Variants in PSME4 observed in about 807,000 individuals in gnomAD.
The protein encoded by PSME4 is proteasome activator subunit 4.
Under a neutral mutation model 253.9 loss-of-function variants are expected in PSME4, and 89 were observed. The ratio of observed to expected loss-of-function variants is 0.35; its 90% CI spans 0.30 to 0.42. The LOEUF (loss-of-function observed/expected upper bound fraction) is 0.42, where lower values mean the gene tolerates loss of function less well. Ranked by LOEUF, PSME4 falls within the 10% of genes least tolerant of loss-of-function variation. PSME4 has a pLI of 1.00. For synonymous variants in PSME4, 851 were observed against 759.2 expected (o/e 1.12, Z -1.99); for missense variants, 2,014 against 2,195.2 (o/e 0.92, Z 1.65).
chr2:53,915,726 A>G (rs892469280), intron 20 of PSME4, among the ~76,000 whole-genome samples: 2 of 152,182 alleles, frequency 1.3e-5, no homozygotes, highest in Admixed American at 6.5e-5. Flanking sequence ...AAAAAATTAC[A>G]GCAGCTAGAA....
chr2:53,895,009 C>T lies in PSME4; in HGVS notation c.3910G>A (p.Glu1304Lys), dbSNP rs1680079143. ...KLGRSREDMT[E>K]AEQIIFDHFS... Reference sequence around the variant, plus strand: ...CCATGGTGAAATGGAATGCTTACCTCTGTCATATCCTCCCTGCTTCTGCCA... The same window carrying T: ...CCATGGTGAAATGGAATGCTTACCTTTGTCATATCCTCCCTGCTTCTGCCA... Residue 1304 changes from glutamate (E) to lysine (K), a missense_variant and splice_region_variant, in exon 34 of 47, where the codon GAG becomes AAG. Around this residue, in one of 4 missense-constraint regions of PSME4, gnomAD observed 989 missense variants for 1,021.1 expected, o/e 0.97. Transcript: ENST00000404125. 2 of 1,611,778 alleles carry T rather than the reference C, an allele frequency of 1.2e-6. No homozygotes were observed. The highest frequency in any genetic ancestry group is 2.7e-5 in the African/African-American group (2 of 74,786).
chr2:53,952,889 T>C lies in PSME4; in HGVS notation c.243-3606A>G, dbSNP rs576614158. Among the ~76,000 whole-genome samples the C allele has an allele frequency of 3.9e-4, 59 of 152,306 alleles. 1 individual carries two copies. In the South Asian group the frequency reaches 0.012, roughly 30 times the overall value. ...CCCATACCAGTCCCTGAGCTGGGGG[T>C]TGGGGGACCCCCTGCTCCAAGCCAC... On this transcript the variant is annotated intron_variant, in intron 1 of 46. Coordinates refer to ENST00000404125, the MANE Select transcript of PSME4 (RefSeq NM_014614.3).
At chr2:53,953,758 T>C (rs557838636) in intron 1 of PSME4, among the ~76,000 whole-genome samples, 29 of 152,256 alleles carry the variant, frequency 1.9e-4, no homozygotes, top group African/African-American at 5.5e-4. Flanking sequence ...GCATTCCCTC[T>C]TTCCAGTTAA....
At chr2:53,907,767 C>T (rs1680724889) in intron 24 of PSME4, among the ~76,000 whole-genome samples, 1 of 152,144 alleles carries the variant, frequency 6.6e-6, no homozygotes, top group Non-Finnish European at 1.5e-5. Context: ...CTTTTACATG[C>T]CATTCCTTCT....
chr2:53,931,248 G>A (rs1370248602), intron 10 of PSME4, among the ~76,000 whole-genome samples: 1 of 151,992 alleles, frequency 6.6e-6, no homozygotes, highest in Non-Finnish European at 1.5e-5. Flanking sequence ...CCAGCCTGGG[G>A]GACTACAGCA....
chr2:53,885,827 C>T (rs536532010), intron 40 of PSME4, 52 bp from the exon 41 acceptor site: 2 of 1,306,554 alleles, frequency 1.5e-6, no homozygotes, highest in South Asian at 1.2e-5. Flanking sequence ...ATTTACAGAC[C>T]ACAAAGTAGA....
At chr2:53,887,665 T>C (rs1679702877) in intron 39 of PSME4, among the ~76,000 whole-genome samples, 193 bp downstream of exon 39, 1 of 152,196 alleles carries the variant, frequency 6.6e-6, no homozygotes, top group African/African-American at 2.4e-5. Flanking sequence ...ATCTCTGGCT[T>C]CTGAGCACAC....
chr2:53,886,202 G>A (rs1277523798), intron 40 of PSME4, among the ~76,000 whole-genome samples: 2 of 152,180 alleles, frequency 1.3e-5, no homozygotes, highest in Admixed American at 1.3e-4. Flanking sequence ...GAGCTCAGGA[G>A]TTCAAGACCA....
chr2:53,901,185 T>G (rs1280888635), intron 28 of PSME4, among the ~76,000 whole-genome samples, 165 bp downstream of exon 28: 1 of 151,922 alleles, frequency 6.6e-6, no homozygotes, highest in African/African-American at 2.4e-5. Context: ...ACAATAATGA[T>G]CAATGAAAGT....
At chr2:53,931,767 A>ATT in intron 10 of PSME4, 68 bp downstream of exon 10, 3 of 1,511,350 alleles carry the variant, frequency 2.0e-6, no homozygotes, top group Non-Finnish European at 2.7e-6. Context: ...CAGAGGAGAA[A>ATT]AGAGAATCGA....
chr2:53,907,994 G>A (rs1667648113), intron 24 of PSME4: 5 of 253,346 alleles, frequency 2.0e-5, no homozygotes, highest in Admixed American at 1.0e-4. Flanking sequence ...AAAGTGTAAT[G>A]CTTTAAATTC....
intron 37 of PSME4, among the ~76,000 whole-genome samples, 167 bp from the exon 38 acceptor site, chr2:53,888,979 C>A (rs965766884): frequency 6.6e-6 from 1 of 152,052 alleles, no homozygotes; most frequent in African/African-American, 2.4e-5. Flanking sequence ...AATCCACCCG[C>A]CTCGGTCTCT....
rs748795828 is a variant in PSME4 at position 53,893,810 on chromosome 2, A to G, written c.3913-11T>C. 2 of 1,577,864 alleles carry G rather than the reference A, an allele frequency of 1.3e-6. No individual in the cohort carries two copies. The highest frequency in any genetic ancestry group is 2.7e-5 in the African/African-American group (2 of 72,868). On this transcript the variant is annotated splice_polypyrimidine_tract_variant and intron_variant, in intron 34 of 46. Coordinates refer to ENST00000404125, the MANE Select transcript of PSME4 (RefSeq NM_014614.3). ...TATAATCTGTTCTGCCTATAAAGTT[A>G]AAAAAAGAACAATATTCAGCGTTTA...
At chr2:53,948,363 C>G in intron 3 of PSME4, 58 bp downstream of exon 3, 2 of 990,452 alleles carry the variant, frequency 2.0e-6, no homozygotes, top group Admixed American at 1.9e-5. Flanking sequence ...CAATCATGAT[C>G]ACCCCCCTAA....
Position 53,970,936 on chromosome 2 carries a change from G to A in PSME4, c.-152C>T, listed in dbSNP as rs1573405037. 1.7e-6 allele frequency: 1 copy of A among 603,972 alleles called. No homozygotes were observed. Among genetic ancestry groups the A allele is most frequent in the Non-Finnish European group, 2.6e-6 (1 of 381,896 alleles). The allele number at this position is 603,972 out of a possible 1,614,324, so 37.4% of individuals were successfully genotyped here. ...GATCGCTAGGCCCCCTTCCCTGGCC[G>A]GCGTGCTGCTGGGCCCCACGCGGCT... is the stretch of plus-strand genomic sequence containing the variant. On this transcript the variant is annotated 5_prime_UTR_variant, in exon 1 of 47. Transcript: ENST00000404125.
At chr2:53,909,318 T>A (rs1667715063) in intron 21 of PSME4, among the ~76,000 whole-genome samples, 1 of 152,172 alleles carries the variant, frequency 6.6e-6, no homozygotes, top group Non-Finnish European at 1.5e-5. Context: ...AAATTTCTAT[T>A]AGATTTAGAA....
rs1432461267 is a variant in PSME4, at chr2:53,919,203, T to A, written c.2464A>T (p.Ile822Phe). The change falls in exon 20 of 47, where the codon ATT becomes TTT. Residue 822 changes from isoleucine (I) to phenylalanine (F), a missense_variant. Ile to Phe is a conservative substitution (Grantham distance 21). Coordinates refer to ENST00000404125, the MANE Select transcript of PSME4 (RefSeq NM_014614.3). ...GGAGGTAGGAGGTTTCCAGAGCCAATTAAACAGTTGTGCACTATAGTCAGA... is the reference window on the plus strand; with the variant it reads ...GGAGGTAGGAGGTTTCCAGAGCCAAATAAACAGTTGTGCACTATAGTCAGA... Reference protein sequence around the residue: ...QSLTIVHNCLIGSGNLLPPLK... With the variant: ...QSLTIVHNCLFGSGNLLPPLK... 1.9e-6 allele frequency: 3 copies of A among 1,612,196 alleles called. No homozygotes were observed. The African/African-American group carries it at 4.0e-5, about 22-fold the overall frequency.
chr2:53,900,795 C>G (rs750383349), intron 28 of PSME4, among the ~76,000 whole-genome samples: 1 of 152,138 alleles, frequency 6.6e-6, no homozygotes, highest in Non-Finnish European at 1.5e-5. Context: ...ACCATAGTCA[C>G]GCCAGCCAAG....
At chr2:53,936,414 G>A (rs567686121) in intron 6 of PSME4, among the ~76,000 whole-genome samples, 3 of 152,078 alleles carry the variant, frequency 2.0e-5, no homozygotes, top group South Asian at 2.1e-4. Context: ...TATAGAAAAG[G>A]AAATTTTAAT....
Sources: gnomAD v4.1 joint callset for allele counts (sites outside exome capture counted in the v4.1 genomes callset) on GRCh38, gnomAD v4.1.1 for gene constraint, gnomAD v4.1.1 regional missense constraint, MANE v1.5 for transcripts, NCBI Gene and HGNC (gene_info 2026-07-23, HGNC 2026-07-21) for gene names.